The following OSBPL10 variants were observed in gnomAD, a reference collection of about 807,000 sequenced individuals.
The protein encoded by OSBPL10 is oxysterol-binding protein-related protein 10.
In OSBPL10, 49 loss-of-function variants were observed where a neutral mutation model predicts 81.7. That is an observed-to-expected ratio of 0.60 (90% CI 0.48 to 0.76). OSBPL10 has a LOEUF of 0.76. OSBPL10 is among the 30% of genes least tolerant of loss of function. The probability of loss-of-function intolerance (pLI) is 0.00; values close to 1 mark genes in which losing one functional copy is unlikely to be tolerated. For missense variants in OSBPL10, 923 were observed against 987.8 expected, an observed-to-expected ratio of 0.93 and a Z score of 0.88; for synonymous variants, 419 against 383.6, an observed-to-expected ratio of 1.09 and a Z score of -1.08.
chr3:31,775,461 A>C (rs1698523791), intron 4 of OSBPL10, among the ~76,000 whole-genome samples: 1 of 151,850 alleles, frequency 6.6e-6, no homozygotes, highest in Admixed American at 6.6e-5. Flanking sequence ...GGGATGGTTA[A>C]GGAAGTGGAT....
intron 4 of OSBPL10, among the ~76,000 whole-genome samples, chr3:31,793,759 A>G (rs1341441438): frequency 6.6e-6 from 1 of 152,242 alleles, no homozygotes; most frequent in Non-Finnish European, 1.5e-5. Context: ...CTAGAATTTA[A>G]AAAGTGGTTT....
At position 32,062,139 on chromosome 3, in the gene OSBPL10, G is replaced by A. The variant is rs1459310397; in HGVS notation, n.185+15257C>T. On this transcript the variant is annotated intron_variant and non_coding_transcript_variant, in intron 1 of 3. Transcript: ENST00000479173. ...TGTTTTGTTTTTGAGACAGAGTCTC[G>A]CTCTATGGCCCAGGCTGGAATGCAG... 2.4e-4 allele frequency among the ~76,000 whole-genome samples: 22 copies of A among 90,608 alleles called. 8 individuals carry two copies. The highest frequency in any genetic ancestry group is 1.5e-3 in the Admixed American group (11 of 7,476). The allele number at this position is 90,608 out of a possible 152,430, so 59.4% of individuals were successfully genotyped here. A position where few individuals can be genotyped will look rare whatever the true frequency, so the allele number is the denominator to read the frequency against.
At chr3:32,075,356 C>A (rs1020868121) in intron 1 of OSBPL10, among the ~76,000 whole-genome samples, 3 of 152,086 alleles carry the variant, frequency 2.0e-5, no homozygotes, top group African/African-American at 7.2e-5. Flanking sequence ...AGGATAGAGC[C>A]CAAAAACTCA....
At chr3:32,069,988 G>A (rs567139878) in intron 1 of OSBPL10, among the ~76,000 whole-genome samples, 22 of 152,264 alleles carry the variant, frequency 1.4e-4, no homozygotes, top group East Asian at 5.8e-4. Flanking sequence ...GACTCACATC[G>A]CCGCTGCTTC....
At chr3:31,956,712 G>T (rs1698018976) in intron 1 of OSBPL10, among the ~76,000 whole-genome samples, 1 of 150,806 alleles carries the variant, frequency 6.6e-6, no homozygotes, top group South Asian at 2.1e-4. Flanking sequence ...TGGGCGACAA[G>T]AGCGAAACTC....
intron 8 of OSBPL10, among the ~76,000 whole-genome samples, chr3:31,678,987 G>A (rs779567362): frequency 3.3e-5 from 5 of 151,982 alleles, no homozygotes; most frequent in Non-Finnish European, 7.4e-5. Context: ...CAGAGCAAAC[G>A]GCAAAGACGT....
At chr3:31,736,314 TTTC>T (rs1158089295) in intron 5 of OSBPL10, among the ~76,000 whole-genome samples, 1 of 150,682 alleles carries the variant, frequency 6.6e-6, no homozygotes, top group African/African-American at 2.5e-5. Context: ...CTACAATTTT[TTTC>T]TTAATGGCAA....
rs189010521 is a variant in OSBPL10 at position 31,881,881 on chromosome 3, G to A, written c.282-2051C>T. On this transcript the variant is annotated intron_variant, in intron 1 of 11. Coordinates refer to ENST00000396556, the MANE Select transcript of OSBPL10 (RefSeq NM_017784.5). ...AATAGATGTTATCCCCACATTATAC[G>A]TATCCTGAGACTTGAAGGAATTTAA... is the stretch of plus-strand genomic sequence containing the variant. 4.6e-5 allele frequency among the ~76,000 whole-genome samples: 7 copies of A among 152,242 alleles called. No individual in the cohort carries two copies. In the East Asian group the frequency reaches 1.2e-3, roughly 25 times the overall value.
upstream of OSBPL10, among the ~76,000 whole-genome samples, chr3:31,984,330 G>T (rs955891330): frequency 6.6e-6 from 1 of 150,860 alleles, no homozygotes; most frequent in East Asian, 1.9e-4. Flanking sequence ...GTGAGCCACC[G>T]TACCGGGCCC....
Position 32,033,160 on chromosome 3 carries a change from C to G in OSBPL10, n.298+13331G>C, listed in dbSNP as rs188716599. ...TATATTAAAGCTCAGTGGTTTTTTGCTGTTGTTGAATCATTTTGGTTCAAC... is the reference window on the plus strand; with the variant it reads ...TATATTAAAGCTCAGTGGTTTTTTGGTGTTGTTGAATCATTTTGGTTCAAC... On this transcript the variant is annotated intron_variant and non_coding_transcript_variant, in intron 2 of 3. Coordinates refer to the OSBPL10 transcript ENST00000479173. Among the ~76,000 whole-genome samples the G allele has an allele frequency of 5.8e-3, 878 of 152,160 alleles. 21 individuals are homozygous for G. In the East Asian group the frequency reaches 0.089, roughly 15 times the overall value.
intron 6 of OSBPL10, chr3:31,708,765 T>C (rs760730825): frequency 2.9e-5 from 29 of 985,298 alleles, no homozygotes; most frequent in African/African-American, 3.5e-5. Flanking sequence ...GAAGAGTCTT[T>C]TTGGTGGCTG....
At chr3:31,885,710 C>T (rs1160148091) in intron 1 of OSBPL10, among the ~76,000 whole-genome samples, 7 of 151,742 alleles carry the variant, frequency 4.6e-5, no homozygotes, top group Non-Finnish European at 8.8e-5. Flanking sequence ...AGGCCAGGTG[C>T]AGTGGCTCAT....
At chr3:31,894,091 A>C (rs1258228211) in intron 1 of OSBPL10, among the ~76,000 whole-genome samples, 1 of 152,210 alleles carries the variant, frequency 6.6e-6, no homozygotes, top group Non-Finnish European at 1.5e-5. Context: ...GCAGAGTTTC[A>C]GTTGACAAGA....
chr3:31,855,769 C>A (rs992386499), intron 3 of OSBPL10, among the ~76,000 whole-genome samples: 5 of 152,128 alleles, frequency 3.3e-5, no homozygotes, highest in Non-Finnish European at 5.9e-5. Flanking sequence ...CTCTGAACAA[C>A]TGACCCCAAC....
intron 1 of OSBPL10, among the ~76,000 whole-genome samples, chr3:31,920,676 G>C (rs1365999456): frequency 6.6e-6 from 1 of 152,158 alleles, no homozygotes; most frequent in Non-Finnish European, 1.5e-5. Context: ...CCAAAATGTT[G>C]GAAGTGGGGC....
chr3:31,901,798 G>A (rs1022753935), intron 1 of OSBPL10, among the ~76,000 whole-genome samples: 2 of 152,170 alleles, frequency 1.3e-5, no homozygotes, highest in African/African-American at 4.8e-5. Flanking sequence ...AGCACTTTGG[G>A]AAGCCAAGGC....
intron 2 of OSBPL10, among the ~76,000 whole-genome samples, chr3:31,995,890 C>T (rs748143527): frequency 2.0e-5 from 3 of 152,118 alleles, no homozygotes; most frequent in Non-Finnish European, 4.4e-5. Context: ...AGTGCAAAGC[C>T]GCTGTTAATA....
intron 2 of OSBPL10, among the ~76,000 whole-genome samples, chr3:32,026,297 C>A (rs1699412865): frequency 6.6e-6 from 1 of 152,050 alleles, no homozygotes; most frequent in Non-Finnish European, 1.5e-5. Context: ...CCACCATGCC[C>A]AGCTAACTTT....
intron 2 of OSBPL10, among the ~76,000 whole-genome samples, chr3:32,013,367 G>A (rs1699279321): frequency 6.6e-6 from 1 of 152,032 alleles, no homozygotes; most frequent in Non-Finnish European, 1.5e-5. Context: ...CGAAATGAAG[G>A]CAGAAATAAA....
Sources: gnomAD v4.1 joint callset for allele counts (sites outside exome capture counted in the v4.1 genomes callset) on GRCh38, gnomAD v4.1.1 for gene constraint, MANE v1.5 for transcripts, NCBI Gene and HGNC (gene_info 2026-07-23, HGNC 2026-07-21) for gene names.